Variants in XKR9 observed in about 807,000 individuals in gnomAD.
XKR9 encodes XK-related protein 9.
In XKR9, 32 loss-of-function variants were observed where a neutral mutation model predicts 32.0. The observed-to-expected ratio is 1.00, with a 90% CI of 0.76 to 1.34. The LOEUF (loss-of-function observed/expected upper bound fraction) is 1.34. Among genes scored for constraint, XKR9 ranks in the 40% most tolerant of loss-of-function variants. The pLI is 0.00. For synonymous variants in XKR9, 168 were observed against 143.4 expected (o/e 1.17, Z -1.22); for missense variants, 546 against 429.7 (o/e 1.27, Z -2.39).
chr8:70,862,099 G>A, the XKR9 span, among the ~76,000 whole-genome samples: 1 of 152,318 alleles, frequency 6.6e-6, no homozygotes, highest in Non-Finnish European at 1.5e-5. Flanking sequence ...AGGATGTCTG[G>A]ATGGCTGAGA....
At chr8:70,930,497 T>C in the XKR9 span, among the ~76,000 whole-genome samples, 5 of 152,156 alleles carry the variant, frequency 3.3e-5, no homozygotes, top group South Asian at 1.0e-3. Context: ...GACAGCAAAA[T>C]TTGTTTAAAA....
At chr8:70,935,206 T>C in the XKR9 span, among the ~76,000 whole-genome samples, 147 of 82,588 alleles carry the variant, frequency 1.8e-3, 2 homozygotes, top group Admixed American at 3.4e-3. Flanking sequence ...CATATACATA[T>C]ATACACACAC....
the XKR9 span, among the ~76,000 whole-genome samples, chr8:70,925,612 C>T: frequency 1.3e-5 from 2 of 152,098 alleles, no homozygotes; most frequent in Non-Finnish European, 2.9e-5. Flanking sequence ...AGAAATGTCA[C>T]TAGAATAGAA....
At chr8:70,799,211 C>T in the XKR9 span, among the ~76,000 whole-genome samples, 1 of 152,104 alleles carries the variant, frequency 6.6e-6, no homozygotes, top group Non-Finnish European at 1.5e-5. Flanking sequence ...TTGTTTGGGT[C>T]AGCTTTGATT....
chr8:71,050,254 TATATATAGATAG>T, the XKR9 span, among the ~76,000 whole-genome samples: 2,241 of 125,148 alleles, frequency 0.018, 51 homozygotes, highest in East Asian at 0.1. Flanking sequence ...TATATATATA[TATATATAGATAG>T]ATAGATAGAT....
the XKR9 span, among the ~76,000 whole-genome samples, chr8:70,935,208 T>TTCACAC: frequency 6.9e-6 from 1 of 145,480 alleles, no homozygotes; most frequent in Non-Finnish European, 1.5e-5. Flanking sequence ...TATACATATA[T>TTCACAC]ACACACACAC....
At chr8:70,820,776 C>T in the XKR9 span, among the ~76,000 whole-genome samples, 3 of 152,158 alleles carry the variant, frequency 2.0e-5, no homozygotes, top group Admixed American at 6.5e-5. Flanking sequence ...TGAGAACTCG[C>T]TCATTATCAC....
chr8:71,006,022 G>A, the XKR9 span, among the ~76,000 whole-genome samples: 64,075 of 152,150 alleles, frequency 0.42, 14,582 homozygotes, highest in Non-Finnish European at 0.52. Context: ...TTGATGTGAA[G>A]TGAGCAGTCT....
chr8:70,767,358 T>C (rs1807391656), intron 2 of XKR9, among the ~76,000 whole-genome samples: 2 of 152,196 alleles, frequency 1.3e-5, no homozygotes, highest in Non-Finnish European at 2.9e-5. Flanking sequence ...ATTTATCCAT[T>C]TCTTCTAGAT....
intron 4 of XKR9, among the ~76,000 whole-genome samples, chr8:70,717,956 G>A (rs1450631442): frequency 2.0e-5 from 3 of 152,146 alleles, no homozygotes. Context: ...GGGGCAAAAT[G>A]CTGCCAGTCT....
chr8:70,742,269 A>G lies in XKR9; in HGVS notation n.352+35116A>G, dbSNP rs1806998247. Among the ~76,000 whole-genome samples, 6 of 152,318 alleles carry G rather than the reference A, an allele frequency of 3.9e-5. No homozygotes were observed. In the South Asian group the frequency reaches 1.0e-3, roughly 26 times the overall value. On this transcript the variant is annotated intron_variant and non_coding_transcript_variant, in intron 2 of 3. Coordinates refer to the XKR9 transcript ENST00000520273. The stretch of plus-strand genomic sequence containing the variant: ...TTGAGAAAGTTAAGCAGTGTGAACC[A>G]TTTACTCTTTTAGGAGGTAGGAAAT...
At chr8:71,020,629 T>A in the XKR9 span, among the ~76,000 whole-genome samples, 1 of 152,206 alleles carries the variant, frequency 6.6e-6, no homozygotes, top group African/African-American at 2.4e-5. Context: ...GGATAGTTTT[T>A]TAGTTGATAC....
At chr8:70,711,553 C>T (rs1805920553) in intron 4 of XKR9, among the ~76,000 whole-genome samples, 1 of 152,138 alleles carries the variant, frequency 6.6e-6, no homozygotes, top group South Asian at 2.1e-4. Context: ...AGTGTTCTCA[C>T]TTATAAGAGG....
At chr8:70,792,389 C>A (rs1011968373), downstream of XKR9, among the ~76,000 whole-genome samples, 2 of 152,032 alleles carry the variant, frequency 1.3e-5, no homozygotes, top group African/African-American at 4.8e-5. Flanking sequence ...CTGAGCTGGG[C>A]TATATCTGTA....
chr8:71,016,495 T>A, the XKR9 span, among the ~76,000 whole-genome samples: 1 of 152,184 alleles, frequency 6.6e-6, no homozygotes, highest in Admixed American at 6.5e-5. Context: ...CACCTGGGTT[T>A]AAGCAGAACA....
At chr8:70,865,713 G>A in the XKR9 span, among the ~76,000 whole-genome samples, 1 of 152,140 alleles carries the variant, frequency 6.6e-6, no homozygotes, top group Non-Finnish European at 1.5e-5. Flanking sequence ...CATGCTCTTA[G>A]TCAAAAGGGA....
chr8:71,059,365 G>A, the XKR9 span, among the ~76,000 whole-genome samples: 16 of 152,220 alleles, frequency 1.1e-4, no homozygotes, highest in African/African-American at 3.4e-4. Context: ...GTGTAAAGAA[G>A]ATGAGCTACC....
At chr8:71,004,622 T>C in the XKR9 span, among the ~76,000 whole-genome samples, 5 of 152,200 alleles carry the variant, frequency 3.3e-5, no homozygotes, top group Admixed American at 1.3e-4. Context: ...TACTAGGAAG[T>C]AGGTGGCTAT....
the XKR9 span, among the ~76,000 whole-genome samples, chr8:70,804,653 T>C: frequency 1.3e-5 from 2 of 152,220 alleles, no homozygotes; most frequent in Non-Finnish European, 2.9e-5. Flanking sequence ...CATACTGTTG[T>C]CTCTAAAAAA....
Sources: allele counts gnomAD v4.1 joint callset (sites outside exome capture counted in the v4.1 genomes callset), GRCh38; gene constraint gnomAD v4.1.1; transcripts MANE v1.5; gene names NCBI Gene and HGNC (gene_info 2026-07-23, HGNC 2026-07-21).